The following ZSCAN2 variants were observed in gnomAD, a reference collection of about 807,000 sequenced individuals.
The protein encoded by ZSCAN2 is zinc finger and SCAN domain-containing protein 2.
Under a neutral mutation model 47.8 loss-of-function variants are expected in ZSCAN2, and 26 were observed. That is an observed-to-expected ratio of 0.54 (90% CI 0.40 to 0.75). The LOEUF is 0.75. Ranked by LOEUF, ZSCAN2 falls within the 30% of genes least tolerant of loss-of-function variation. The pLI, the probability that ZSCAN2 is intolerant of heterozygous loss-of-function variation, is 0.00. For missense variants in ZSCAN2, 732 were observed against 785.4 expected (o/e 0.93, Z 0.81); for synonymous variants, 305 against 288.7 (o/e 1.06, Z -0.57).
rs61740341 is a variant in ZSCAN2 at position 84,621,704 on chromosome 15, A to G, written c.1509A>G (p.Lys503=). ...TCCACACGGGAGAGAAACCCTACAAATGCAGCGAGTGTGGGAAATGCTTCA... is the reference window on the plus strand; with the variant it reads ...TCCACACGGGAGAGAAACCCTACAAGTGCAGCGAGTGTGGGAAATGCTTCA... ...QRIHTGEKPY[K]CSECGKCFSQ... is the part of the protein sequence containing the mutation. Residue 503 remains lysine (K), a synonymous_variant, in exon 3 of 3, where the codon AAA becomes AAG. Coordinates refer to ENST00000546148, the MANE Select transcript of ZSCAN2 (RefSeq NM_181877.4). This position sits in a 1 kb window ranked among gnomAD's most constrained non-coding sequence, Gnocchi z 5.7. The G allele has an allele frequency of 4.5e-4, 726 of 1,612,526 alleles. No homozygotes were observed. The highest frequency in any genetic ancestry group is 1.9e-3 in the African/African-American group (139 of 74,402).
At chr15:84,606,887 T>A in intron 2 of ZSCAN2, 1 of 1,127,194 alleles carries the variant, frequency 8.9e-7, no homozygotes, top group Non-Finnish European at 1.1e-6. Context: ...TCCTCATGAT[T>A]GCTCACAGGA....
chr15:84,620,047 C>T, intron 2 of ZSCAN2, among the ~76,000 whole-genome samples: 1 of 151,910 alleles, frequency 6.6e-6, no homozygotes, highest in East Asian at 1.9e-4. Flanking sequence ...CATCCCACCA[C>T]CTAGGTATTA....
At position 84,621,924 on chromosome 15, in the gene ZSCAN2, CA is replaced by C; in HGVS notation, c.1730del (p.Gln577ArgfsTer33). 1.2e-6 allele frequency: 2 copies of C among 1,614,208 alleles called. No homozygotes were observed. The highest frequency in any genetic ancestry group is 1.7e-6 in the Non-Finnish European group (2 of 1,180,036). On this transcript the variant is annotated frameshift_variant, in exon 3 of 3. Transcript: ENST00000546148. LOFTEE classifies it high-confidence loss of function. This position sits in a 1 kb window ranked among gnomAD's most constrained non-coding sequence, Gnocchi z 5.7. Reference protein sequence around the residue: ...FSWNSVLIIHQRIHTGEKPYK... With the variant: ...FSWNSVLIIHXRIHTGEKPYK... Reference sequence around the variant, plus strand: ...CTGGAACTCAGTCCTCATTATACATCAGCGAATCCACACTGGGGAGAAGCCC... The same window carrying C: ...CTGGAACTCAGTCCTCATTATACATCGCGAATCCACACTGGGGAGAAGCCC...
At position 84,621,677 on chromosome 15, in the gene ZSCAN2, G is replaced by A. The variant is rs761769873; in HGVS notation, c.1482G>A (p.Arg494=). Residue 494 remains arginine, a synonymous_variant, in exon 3 of 3, where the codon AGG becomes AGA. Coordinates refer to ENST00000546148, the MANE Select transcript of ZSCAN2 (RefSeq NM_181877.4). This position sits in a 1 kb window ranked among gnomAD's most constrained non-coding sequence, Gnocchi z 5.7. ...GCTCCAACCTCCTCAAGCACCAGAG[G>A]ATCCACACGGGAGAGAAACCCTACA... ...SWSSNLLKHQ[R]IHTGEKPYKC... is the part of the protein sequence containing the mutation. 3 of 1,611,790 alleles carry A rather than the reference G, an allele frequency of 1.9e-6. No homozygotes were observed. Among genetic ancestry groups the A allele is most frequent in the Non-Finnish European group, 2.5e-6 (3 of 1,179,400 alleles).
chr15:84,609,231 C>G (rs1468709567), intron 2 of ZSCAN2, among the ~76,000 whole-genome samples: 1 of 149,622 alleles, frequency 6.7e-6, no homozygotes, highest in Non-Finnish European at 1.5e-5. Context: ...TTCTTAGCTT[C>G]AAAACAAAAT....
In ZSCAN2 at chr15:84,621,414, A is replaced by G. The variant is rs762030881; in HGVS notation, c.1219A>G (p.Thr407Ala). ...QRFSQSSALI[T>A]HRRTHTGEKP... The stretch of plus-strand genomic sequence containing the variant: ...GTTCAGCCAGAGTTCAGCCCTCATC[A>G]CCCACCGGAGAACCCACACAGGAGA... The change falls in exon 3 of 3, where the codon ACC becomes GCC. Residue 407 changes from threonine to alanine, a missense_variant. By Grantham distance (58) the Thr-to-Ala change is moderately conservative (BLOSUM62 0). Coordinates refer to ENST00000546148, the MANE Select transcript of ZSCAN2 (RefSeq NM_181877.4). This position sits in a 1 kb window ranked among gnomAD's most constrained non-coding sequence, Gnocchi z 5.7. The G allele has an allele frequency of 1.9e-6, 3 of 1,612,684 alleles. No homozygotes were observed. In the South Asian group the frequency reaches 3.3e-5, roughly 18 times the overall value.
At position 84,603,975 on chromosome 15, in the gene ZSCAN2, G is replaced by C. The variant is rs1240079877; in HGVS notation, c.48G>C (p.Leu16Phe). 9 of 1,613,986 alleles carry C rather than the reference G, an allele frequency of 5.6e-6. No homozygotes were observed. The highest frequency in any genetic ancestry group is 7.6e-6 in the Non-Finnish European group (9 of 1,180,010). The change falls in exon 2 of 3, where the codon TTG (leucine) becomes TTC (phenylalanine). Residue 16 changes from leucine (L) to phenylalanine (F), a missense_variant. Transcript: ENST00000546148. ...IPRVTTPLSSLVQVPQEEDRQ... is the reference protein window; with the variant it reads ...IPRVTTPLSSFVQVPQEEDRQ... ...GAGTGACCACTCCGCTGAGCTCCTTGGTCCAGGTGCCTCAAGAGGAAGATA... is the reference window on the plus strand; with the variant it reads ...GAGTGACCACTCCGCTGAGCTCCTTCGTCCAGGTGCCTCAAGAGGAAGATA...
intron 2 of ZSCAN2, among the ~76,000 whole-genome samples, chr15:84,605,627 G>C (rs1390720100): frequency 6.6e-6 from 1 of 152,204 alleles, no homozygotes; most frequent in Admixed American, 6.5e-5. Context: ...TGAATGTTTT[G>C]CCTCAGTGGG....
chr15:84,604,090 C>A lies in ZSCAN2; in HGVS notation c.163C>A (p.Pro55Thr). Residue 55 changes from proline (P) to threonine (T), a missense_variant, in exon 2 of 3, where the codon CCC (proline) becomes ACC (threonine). Pro to Thr is a conservative substitution (Grantham distance 38). Transcript: ENST00000546148. ...GCAGGAGGATGGCCCTGAGTCTGAG[C>A]CCTTTCCCCAGAGTGCTGGCAAGGG... ...VLQEDGPESEPFPQSAGKGGP... is the reference protein window; with the variant it reads ...VLQEDGPESETFPQSAGKGGP... 1 of 1,614,122 alleles carries A rather than the reference C, an allele frequency of 6.2e-7. No individual in the cohort carries two copies. The highest frequency in any genetic ancestry group is 8.5e-7 in the Non-Finnish European group (1 of 1,180,012).
At chr15:84,620,278 C>A (rs770667741) in intron 2 of ZSCAN2, among the ~76,000 whole-genome samples, 2 of 151,992 alleles carry the variant, frequency 1.3e-5, no homozygotes, top group African/African-American at 2.4e-5. Context: ...TGATCTCATT[C>A]TTTTTTTTGG....
At chr15:84,605,614 G>A (rs1895357611) in intron 2 of ZSCAN2, among the ~76,000 whole-genome samples, 1 of 152,238 alleles carries the variant, frequency 6.6e-6, no homozygotes, top group Admixed American at 6.5e-5. Context: ...TGAGGGCTTG[G>A]ACTGAATGTT....
chr15:84,616,280 C>G (rs775864182), intron 2 of ZSCAN2: 2 of 1,081,966 alleles, frequency 1.8e-6, no homozygotes, highest in South Asian at 2.5e-5. Flanking sequence ...GTGCGTGGGT[C>G]AAAGGCTCTT....
Position 84,604,217 on chromosome 15 carries a change from A to G in ZSCAN2, c.290A>G (p.Gln97Arg). ...WLRPEVHTKEQMLTMLPKEIQ... is the reference protein window; with the variant it reads ...WLRPEVHTKERMLTMLPKEIQ... ...AGACCAGAGGTACACACCAAGGAGC[A>G]GATGTTAACCATGCTGCCAAAGGAA... The change falls in exon 2 of 3, where the codon CAG (glutamine) becomes CGG (arginine). Residue 97 changes from glutamine to arginine, a missense_variant. Physicochemically the swap from Gln to Arg is conservative, Grantham distance 43. Coordinates refer to ENST00000546148, the MANE Select transcript of ZSCAN2 (RefSeq NM_181877.4). 1 of 1,614,076 alleles carries G rather than the reference A, an allele frequency of 6.2e-7. No homozygotes were observed. The highest frequency in any genetic ancestry group is 1.1e-5 in the South Asian group (1 of 91,076).
At chr15:84,609,564 C>G (rs1895485626) in intron 2 of ZSCAN2, among the ~76,000 whole-genome samples, 1 of 152,194 alleles carries the variant, frequency 6.6e-6, no homozygotes, top group African/African-American at 2.4e-5. Context: ...AACGTTATAC[C>G]TATGAAATGT....
Position 84,621,588 on chromosome 15 carries a change from C to G in ZSCAN2, c.1393C>G (p.Gln465Glu). ...FSQSSSLIAHQGMHTGEKPYE... is the reference protein window; with the variant it reads ...FSQSSSLIAHEGMHTGEKPYE... ...CCAGAGCTCCAGTCTGATTGCACAC[C>G]AGGGCATGCACACAGGGGAGAAACC... Residue 465 changes from glutamine to glutamate, a missense_variant, in exon 3 of 3, where the codon CAG becomes GAG. By Grantham distance (29) the Gln-to-Glu change is conservative. This residue lies in a region of ZSCAN2 where 412 missense variants were observed against 498.0 expected (regional missense o/e 0.83). Transcript: ENST00000546148. The surrounding 1 kb of genome is among the most constrained non-coding windows in gnomAD (Gnocchi z 5.7). 1 of 1,614,098 alleles carries G rather than the reference C, an allele frequency of 6.2e-7. No individual in the cohort carries two copies. The highest frequency in any genetic ancestry group is 8.5e-7 in the Non-Finnish European group (1 of 1,180,026).
At chr15:84,611,763 A>C (rs1895556358) in intron 2 of ZSCAN2, 1 of 152,196 alleles carries the variant, frequency 6.6e-6, no homozygotes, top group Admixed American at 6.5e-5. Context: ...AAAACAGAAA[A>C]GCAAGAACAA....
At position 84,622,730 on chromosome 15, in the gene ZSCAN2, G is replaced by T. The variant is rs925857355; in HGVS notation, c.*690G>T. ...CTTTCCATTGGTAAGAGTTGGACAG[G>T]GCCTTCAGGAAAGGGGTAAACCGAG... On this transcript the variant is annotated 3_prime_UTR_variant, in exon 3 of 3. Coordinates refer to ENST00000546148, the MANE Select transcript of ZSCAN2 (RefSeq NM_181877.4). The T allele has an allele frequency of 4.2e-6, 3 of 715,862 alleles. No homozygotes were observed. In the African/African-American group the frequency reaches 5.2e-5, roughly 13 times the overall value. The allele number at this position is 715,862 out of a possible 1,614,324, so 44.3% of individuals were successfully genotyped here. A position where few individuals can be genotyped will look rare whatever the true frequency, so the allele number is the denominator to read the frequency against.
chr15:84,605,624 T>C (rs991919101), intron 2 of ZSCAN2, among the ~76,000 whole-genome samples: 4 of 152,178 alleles, frequency 2.6e-5, no homozygotes, highest in Non-Finnish European at 5.9e-5. Context: ...GACTGAATGT[T>C]TTGCCTCAGT....
At chr15:84,616,198 C>T (rs1047954485) in intron 2 of ZSCAN2, 4 of 714,094 alleles carry the variant, frequency 5.6e-6, no homozygotes, top group African/African-American at 3.5e-5. Flanking sequence ...GATAGTGCCA[C>T]TGCACTCCAG....
Sources: gnomAD v4.1 joint callset for allele counts (sites outside exome capture counted in the v4.1 genomes callset) on GRCh38, gnomAD v4.1.1 for gene constraint, gnomAD v4.1.1 regional missense constraint, Gnocchi (gnomAD v3.1) non-coding constraint, MANE v1.5 for transcripts, NCBI Gene and HGNC (gene_info 2026-07-23, HGNC 2026-07-21) for gene names.